Variants in LHX1 observed in about 807,000 individuals in gnomAD.
LHX1 encodes LIM/homeobox protein Lhx1.
LHX1 carries 9 observed loss-of-function variants against 34.1 expected under a neutral mutation model. That is an observed-to-expected ratio of 0.26 (90% CI 0.16 to 0.46). The LOEUF is 0.46. LHX1 is among the 20% of genes least tolerant of loss of function. LHX1 has a pLI of 1.00. For missense variants in LHX1, 446 were observed against 559.1 expected (o/e 0.80, Z 2.04); for synonymous variants, 254 against 241.5 (o/e 1.05, Z -0.48).
In LHX1 at chr17:36,938,134, T is replaced by C; in HGVS notation, c.-64T>C. On this transcript the variant is annotated 5_prime_UTR_variant, in exon 1 of 5. Transcript: ENST00000614239. ...AGCTCGTGCCGATTGTCTTCAGGAGTCATCCCCTGGGCTCTACTTTGCCCC... is the reference window on the plus strand; with the variant it reads ...AGCTCGTGCCGATTGTCTTCAGGAGCCATCCCCTGGGCTCTACTTTGCCCC... The C allele has an allele frequency of 6.5e-7, 1 of 1,528,338 alleles. No homozygotes were observed. Among genetic ancestry groups the C allele is most frequent in the South Asian group, 1.1e-5 (1 of 89,264 alleles). 94.7% of individuals were successfully genotyped at this position (1,528,338 alleles called of 1,614,324 possible).
rs201825686 is a variant in LHX1, at chr17:36,942,930, G to A, written c.1020G>A (p.Ala340=). 568 of 1,605,792 alleles carry A rather than the reference G, an allele frequency of 3.5e-4. 2 individuals carry two copies. Among genetic ancestry groups the A allele is most frequent in the Non-Finnish European group, 3.2e-4 (373 of 1,176,682 alleles). The part of the protein sequence containing the change: ...PLPGHHPSSE[A]QRFTDILAHP... Reference sequence around the variant, plus strand: ...CGGGCCACCACCCGTCGAGCGAGGCGCAGCGGTTTACCGACATCCTGGCGC... The same window carrying A: ...CGGGCCACCACCCGTCGAGCGAGGCACAGCGGTTTACCGACATCCTGGCGC... The change falls in exon 5 of 5, where the codon GCG becomes GCA. Residue 340 remains alanine, a synonymous_variant. Coordinates refer to ENST00000614239, the MANE Select transcript of LHX1 (RefSeq NM_005568.5).
intron 1 of LHX1, chr17:36,939,952 CCTT>C (rs1353637444): frequency 2.0e-6 from 1 of 491,576 alleles, no homozygotes; most frequent in Middle Eastern, 5.5e-4. Flanking sequence ...TGCCTTGCCA[CCTT>C]CTTTAGACGA....
At chr17:36,942,070 T>TACAC (rs950363343) in intron 3 of LHX1, 130 bp from the exon 4 acceptor site, 12 of 863,630 alleles carry the variant, frequency 1.4e-5, no homozygotes, top group Non-Finnish European at 1.8e-5. Flanking sequence ...ACCACTACCC[T>TACAC]ACACACACAC....
rs1445607183 is a variant in LHX1, at chr17:36,941,374, G to A, written c.675+487G>A. On this transcript the variant is annotated intron_variant, in intron 3 of 4. Transcript: ENST00000614239. ...TCAGGGACTTCCCCTCCAAAGAGAG[G>A]TGGTTCCGCCGGGAGTCAGCTCTGC... The A allele has an allele frequency of 1.2e-5, 4 of 343,640 alleles. No homozygotes were observed. The Admixed American group carries it at 1.6e-4, about 14-fold the overall frequency. 21.3% of individuals were successfully genotyped at this position (343,640 alleles called of 1,614,324 possible). A position where few individuals can be genotyped will look rare whatever the true frequency, so the allele number is the denominator to read the frequency against.
At chr17:36,941,671 T>A (rs1365224507) in intron 3 of LHX1, 1 of 193,518 alleles carries the variant, frequency 5.2e-6, no homozygotes, top group African/African-American at 2.4e-5. Context: ...GAATGAGAAG[T>A]CGTGTGTCTG....
intron 3 of LHX1, 151 bp downstream of exon 3, chr17:36,941,038 T>G: frequency 8.4e-7 from 1 of 1,192,982 alleles, no homozygotes; most frequent in Non-Finnish European, 1.2e-6. Flanking sequence ...CTGCGGGACC[T>G]ATGAAATGCC....
In LHX1 at chr17:36,937,904, T is replaced by A; in HGVS notation, c.-294T>A. The A allele has an allele frequency of 1.7e-6, 1 of 598,416 alleles. No homozygotes were observed. The highest frequency in any genetic ancestry group is 3.1e-6 in the Non-Finnish European group (1 of 325,694). 37.1% of individuals were successfully genotyped at this position (598,416 alleles called of 1,614,324 possible). The stretch of plus-strand genomic sequence containing the variant: ...CTCTGAGCAGAAGGGTCGCATTCTC[T>A]CCCGCCTGAGACTTCTTTTCCTCGC... On this transcript the variant is annotated 5_prime_UTR_variant, in exon 1 of 5. Transcript: ENST00000614239.
upstream of LHX1, chr17:36,937,382 G>T (rs1017248353): frequency 6.6e-5 from 22 of 335,614 alleles, no homozygotes; most frequent in Admixed American, 9.1e-4. Context: ...AGTGCGCCTG[G>T]CTGCCTCCGC....
At chr17:36,942,387 G>C in intron 4 of LHX1, 22 bp downstream of exon 4, 1 of 1,565,750 alleles carries the variant, frequency 6.4e-7, no homozygotes. Context: ...CCGAATGGCG[G>C]GGCGCGGCCA....
At position 36,943,132 on chromosome 17, in the gene LHX1, C is replaced by T; in HGVS notation, c.*1C>T. The stretch of plus-strand genomic sequence containing the variant: ...AATGAACGAGGCGGCCGTGTGGTAG[C>T]GGGGTCTCGCACGGTCTGCGGAGTT... On this transcript the variant is annotated 3_prime_UTR_variant, in exon 5 of 5. Transcript: ENST00000614239. 2 of 1,611,574 alleles carry T rather than the reference C, an allele frequency of 1.2e-6. No individual in the cohort carries two copies. The highest frequency in any genetic ancestry group is 1.7e-6 in the Non-Finnish European group (2 of 1,179,632).
chr17:36,944,598 A>C lies in LHX1; in HGVS notation c.*1467A>C, dbSNP rs1167180065. 1.3e-5 allele frequency: 2 copies of C among 152,274 alleles called. No homozygotes were observed. Among genetic ancestry groups the C allele is most frequent in the Non-Finnish European group, 2.9e-5 (2 of 68,042 alleles). The allele number at this position is 152,274 out of a possible 1,614,324, so 9.4% of individuals were successfully genotyped here. On this transcript the variant is annotated 3_prime_UTR_variant, in exon 5 of 5. Transcript: ENST00000614239. ...ATTTGTGAGTTTTTAATAAAAATAG[A>C]AAATCTGATGTTTAGATAATTGGTG...
Position 36,938,185 on chromosome 17 carries a change from C to G in LHX1, c.-13C>G, listed in dbSNP as rs988170721. 6.2e-7 allele frequency: 1 copy of G among 1,613,094 alleles called. No homozygotes were observed. The highest frequency in any genetic ancestry group is 8.5e-7 in the Non-Finnish European group (1 of 1,179,992). On this transcript the variant is annotated 5_prime_UTR_variant, in exon 1 of 5. Coordinates refer to ENST00000614239, the MANE Select transcript of LHX1 (RefSeq NM_005568.5). ...TCTCTCTCTCTGGGCCTCATCAGAC[C>G]AAACCAAAGACCATGGTTCACTGTG...
At chr17:36,938,617 T>G in intron 1 of LHX1, 2 of 596,830 alleles carry the variant, frequency 3.4e-6, no homozygotes, top group Non-Finnish European at 6.0e-6. Flanking sequence ...GGTCTGAGCC[T>G]GACTCGGCCC....
chr17:36,942,546 T>C (rs905924294), intron 4 of LHX1, among the ~76,000 whole-genome samples, 181 bp downstream of exon 4: 2 of 152,170 alleles, frequency 1.3e-5, no homozygotes, highest in Non-Finnish European at 2.9e-5. Context: ...TTCACGGCCC[T>C]GAATAACGGG....
In LHX1 at chr17:36,940,645, T is replaced by C; in HGVS notation, c.433T>C (p.Ser145Pro). ...TGSDPSLSPD[S>P]QDPSQDDAKD... ...CAGTGACCCCAGTTTGTCTCCGGAT[T>C]CCCAAGACCCGTCGCAGGACGACGC... Residue 145 changes from serine (S) to proline (P), a missense_variant, in exon 3 of 5, where the codon TCC (serine) becomes CCC (proline). Physicochemically the swap from Ser to Pro is moderately conservative, Grantham distance 74. Coordinates refer to ENST00000614239, the MANE Select transcript of LHX1 (RefSeq NM_005568.5). 1 of 1,613,746 alleles carries C rather than the reference T, an allele frequency of 6.2e-7. No homozygotes were observed. The highest frequency in any genetic ancestry group is 8.5e-7 in the Non-Finnish European group (1 of 1,180,004).
chr17:36,940,437 C>A lies in LHX1; in HGVS notation c.318C>A (p.Ile106=). The change falls in exon 2 of 5, where the codon ATC becomes ATA. Residue 106 remains isoleucine (I), a synonymous_variant. Coordinates refer to ENST00000614239, the MANE Select transcript of LHX1 (RefSeq NM_005568.5). ...TCTCCACTGGCGAGGAACTCTACAT[C>A]ATCGACGAGAATAAGTTCGTCTGCA... The part of the protein sequence containing the change: ...KQLSTGEELY[I]IDENKFVCKE... 6.2e-7 allele frequency: 1 copy of A among 1,614,162 alleles called. No individual in the cohort carries two copies. The highest frequency in any genetic ancestry group is 8.5e-7 in the Non-Finnish European group (1 of 1,180,048).
chr17:36,943,221 G>C lies in LHX1; in HGVS notation c.*90G>C. On this transcript the variant is annotated 3_prime_UTR_variant, in exon 5 of 5. Transcript: ENST00000614239. The stretch of plus-strand genomic sequence containing the variant: ...AGAAAAAAAAAAACATAAAAAGCAA[G>C]TCCCCACCCCCTTCCTCCAGCCTCG... 1.4e-6 allele frequency: 2 copies of C among 1,401,038 alleles called. No individual in the cohort carries two copies. The highest frequency in any genetic ancestry group is 1.9e-6 in the Non-Finnish European group (2 of 1,039,072). The allele number at this position is 1,401,038 out of a possible 1,614,324, so 86.8% of individuals were successfully genotyped here. A position where few individuals can be genotyped will look rare whatever the true frequency, so the allele number is the denominator to read the frequency against.
At chr17:36,939,578 G>T (rs1211244960) in intron 1 of LHX1, among the ~76,000 whole-genome samples, 1 of 152,200 alleles carries the variant, frequency 6.6e-6, no homozygotes, top group African/African-American at 2.4e-5. Flanking sequence ...GGATCATAGC[G>T]GGAGGGTGGC....
In LHX1 at chr17:36,940,426, G is replaced by A; in HGVS notation, c.307G>A (p.Glu103Lys). ...MCNKQLSTGE[E>K]LYIIDENKFV... ...TAACAAGCAGCTCTCCACTGGCGAG[G>A]AACTCTACATCATCGACGAGAATAA... Residue 103 changes from glutamate (E) to lysine (K), a missense_variant, in exon 2 of 5, where the codon GAA becomes AAA. Physicochemically the swap from Glu to Lys is moderately conservative, Grantham distance 56. This residue lies in a region of LHX1 where 168 missense variants were observed against 226.6 expected (regional missense o/e 0.74). Transcript: ENST00000614239. 6.2e-7 allele frequency: 1 copy of A among 1,614,144 alleles called. No homozygotes were observed. Among genetic ancestry groups the A allele is most frequent in the Non-Finnish European group, 8.5e-7 (1 of 1,180,040 alleles).
Sources: gnomAD v4.1 joint callset for allele counts (sites outside exome capture counted in the v4.1 genomes callset) on GRCh38, gnomAD v4.1.1 for gene constraint, gnomAD v4.1.1 regional missense constraint, MANE v1.5 for transcripts, NCBI Gene and HGNC (gene_info 2026-07-23, HGNC 2026-07-21) for gene names.